Variants in CREBBP observed in about 807,000 individuals in gnomAD.
CREBBP encodes the protein CREB-binding protein.
Under a neutral mutation model 265.0 loss-of-function variants are expected in CREBBP, and 19 were observed. The ratio of observed to expected loss-of-function variants is 0.07; its 90% CI spans 0.05 to 0.11. The LOEUF (loss-of-function observed/expected upper bound fraction) is 0.11. CREBBP is among the 10% of genes least tolerant of loss of function. The probability of loss-of-function intolerance (pLI) is 1.00; values close to 1 mark genes in which losing one functional copy is unlikely to be tolerated. For synonymous variants in CREBBP, 1,457 were observed against 1,223.7 expected (o/e 1.19, Z -3.98); for missense variants, 2,525 against 3,219.0 (o/e 0.78, Z 5.22).
At chr16:3,763,529 C>T (rs992887162) in intron 16 of CREBBP, among the ~76,000 whole-genome samples, 17 of 152,110 alleles carry the variant, frequency 1.1e-4, no homozygotes, top group African/African-American at 3.9e-4. Context: ...GGCACGATCT[C>T]AGCTCACTGC....
At chr16:3,783,957 T>C (rs938881181) in intron 5 of CREBBP, among the ~76,000 whole-genome samples, 1 of 152,202 alleles carries the variant, frequency 6.6e-6, no homozygotes, top group Non-Finnish European at 1.5e-5. Context: ...TGCCCCCTCA[T>C]CTGTCGCAAC....
chr16:3,839,244 A>G (rs2054516782), intron 2 of CREBBP, among the ~76,000 whole-genome samples: 1 of 152,240 alleles, frequency 6.6e-6, no homozygotes, highest in African/African-American at 2.4e-5. Flanking sequence ...CCAGGCTTGA[A>G]AGCAATTAGC....
intron 28 of CREBBP, among the ~76,000 whole-genome samples, chr16:3,733,491 G>A (rs2051972354): frequency 6.6e-6 from 1 of 152,090 alleles, no homozygotes; most frequent in Non-Finnish European, 1.5e-5. Flanking sequence ...TTGGAACGAA[G>A]TGTAGACTTA....
chr16:3,871,465 C>T (rs1264559387), intron 1 of CREBBP, among the ~76,000 whole-genome samples: 1 of 152,222 alleles, frequency 6.6e-6, no homozygotes, highest in African/African-American at 2.4e-5. Flanking sequence ...TCCAAAGCAA[C>T]TGGGTCAAAC....
chr16:3,855,852 A>T (rs1027367050), intron 1 of CREBBP, among the ~76,000 whole-genome samples: 1 of 152,252 alleles, frequency 6.6e-6, no homozygotes, highest in Non-Finnish European at 1.5e-5. Flanking sequence ...AATATGTATT[A>T]AAAAGTCCTC....
intron 1 of CREBBP, among the ~76,000 whole-genome samples, chr16:3,872,560 T>A (rs2055322340): frequency 6.6e-6 from 1 of 152,132 alleles, no homozygotes; most frequent in South Asian, 2.1e-4. Context: ...AAGAGCAGCA[T>A]CCTTTTCCAG....
rs771699450 is a variant in CREBBP, at chr16:3,778,835, C to G, written c.1824-18G>C. 6.2e-7 allele frequency: 1 copy of G among 1,603,714 alleles called. No homozygotes were observed. Among genetic ancestry groups the G allele is most frequent in the African/African-American group, 1.3e-5 (1 of 74,806 alleles). On this transcript the variant is annotated intron_variant, in intron 8 of 30. Coordinates refer to ENST00000262367, the MANE Select transcript of CREBBP (RefSeq NM_004380.3). ...CTTGGACGCTGAAAGGATAACACAT[C>G]TATCAAACTACTTTTTTTTTTCTTC... is the stretch of plus-strand genomic sequence containing the variant.
chr16:3,773,854 G>A lies in CREBBP; in HGVS notation c.2360C>T (p.Ala787Val), dbSNP rs117910358. 6 of 1,612,358 alleles carry A rather than the reference G, an allele frequency of 3.7e-6. No homozygotes were observed. The highest frequency in any genetic ancestry group is 4.5e-5 in the East Asian group (2 of 44,890). ...TGGCAGAAACTGGCTCTGAGCGGGC[G>A]CCTGGGCCATCATGTTGTTGGTGTG... ...GAHTNNMMAQ[A>V]PAQSQFLPQN... is the part of the protein sequence containing the mutation. Residue 787 changes from alanine (A) to valine (V), a missense_variant, in exon 13 of 31, where the codon GCG becomes GTG. Around this residue, in one of 19 missense-constraint regions of CREBBP, gnomAD observed 548 missense variants for 533.0 expected, o/e 1.03. Transcript: ENST00000262367.
rs1313507213 is a variant in CREBBP, at chr16:3,778,725, T to A, written c.1916A>T (p.Asp639Val). 1 of 1,613,854 alleles carries A rather than the reference T, an allele frequency of 6.2e-7. No homozygotes were observed. The highest frequency in any genetic ancestry group is 1.3e-5 in the African/African-American group (1 of 74,906). ...CCTGCTGTTGGCAGACTCGTACATG[T>A]CCCCTTCCACTTTCTTAGCATAGGC... is the stretch of plus-strand genomic sequence containing the variant. ...LVAYAKKVEG[D>V]MYESANSRDE... Residue 639 changes from aspartate (D) to valine (V), a missense_variant, in exon 9 of 31, where the codon GAC becomes GTC. Physicochemically the swap from Asp to Val is radical, Grantham distance 152. Transcript: ENST00000262367.
At chr16:3,770,005 G>A (rs1206986945) in intron 14 of CREBBP, among the ~76,000 whole-genome samples, 1 of 152,036 alleles carries the variant, frequency 6.6e-6, no homozygotes, top group Non-Finnish European at 1.5e-5. Context: ...CGAGTAGCTG[G>A]GAATACAGGC....
rs1259670948 is a variant in CREBBP, at chr16:3,760,398, T to TG, written c.3251-1427_3251-1426insC. ...CTAAGCTATCATGCCCAGGTTTTTT[T>TG]TTTTTTTTTTTTTTTTTTTTTTGAG... On this transcript the variant is annotated intron_variant, in intron 16 of 30. Transcript: ENST00000262367. 6.3e-5 allele frequency among the ~76,000 whole-genome samples: 7 copies of TG among 110,596 alleles called. No homozygotes were observed. In the East Asian group the frequency reaches 1.8e-3, roughly 28 times the overall value. 72.6% of individuals were successfully genotyped at this position (110,596 alleles called of 152,430 possible). A position where few individuals can be genotyped will look rare whatever the true frequency, so the allele number is the denominator to read the frequency against.
rs2151330200 is a variant in CREBBP, at chr16:3,736,814, A to G, written c.4396T>C (p.Tyr1466His). Residue 1466 changes from tyrosine (Y) to histidine (H), a missense_variant and splice_region_variant, in exon 27 of 31, where the codon TAT becomes CAT. Physicochemically the swap from Tyr to His is moderately conservative, Grantham distance 83 (BLOSUM62 2). Transcript: ENST00000262367. The stretch of plus-strand genomic sequence containing the variant: ...CAGGCCCAGATGTGCCCTGTCACAT[A>G]CCTGCAGGACCCACGCACACACGTC... ...GYLEYVKKLGYVTGHIWACPP... is the reference protein window; with the variant it reads ...GYLEYVKKLGHVTGHIWACPP... 6.2e-7 allele frequency: 1 copy of G among 1,614,154 alleles called. No individual in the cohort carries two copies. The highest frequency in any genetic ancestry group is 1.1e-5 in the South Asian group (1 of 91,082).
intron 2 of CREBBP, among the ~76,000 whole-genome samples, chr16:3,829,085 C>G (rs1430275215): frequency 2.0e-5 from 3 of 151,472 alleles, no homozygotes; most frequent in African/African-American, 7.3e-5. Flanking sequence ...TGGTAATCAA[C>G]ATAAAAACCC....
In CREBBP at chr16:3,850,815, G is replaced by A; in HGVS notation, c.280C>T (p.Pro94Ser). ...TGGCCACCCAGGCCCTGCTGCACGGGGCTGCTGGCGCTCACATTTCCTATT... is the reference window on the plus strand; with the variant it reads ...TGGCCACCCAGGCCCTGCTGCACGGAGCTGCTGGCGCTCACATTTCCTATT... ...PGIGNVSASS[P>S]VQQGLGGQAQ... Residue 94 changes from proline (P) to serine (S), a missense_variant, in exon 2 of 31, where the codon CCC (proline) becomes TCC (serine). Physicochemically the swap from Pro to Ser is moderately conservative, Grantham distance 74. Around this residue, in one of 19 missense-constraint regions of CREBBP, gnomAD observed 356 missense variants for 340.4 expected, o/e 1.05. Coordinates refer to ENST00000262367, the MANE Select transcript of CREBBP (RefSeq NM_004380.3). The A allele has an allele frequency of 6.2e-7, 1 of 1,614,130 alleles. No individual in the cohort carries two copies. Among genetic ancestry groups the A allele is most frequent in the Non-Finnish European group, 8.5e-7 (1 of 1,180,044 alleles).
intron 1 of CREBBP, among the ~76,000 whole-genome samples, chr16:3,851,565 GTA>G (rs547027669): frequency 1.9e-3 from 294 of 152,218 alleles, no homozygotes; most frequent in African/African-American, 6.8e-3. Flanking sequence ...TTTTAAGAAT[GTA>G]TGTGTGGCCG....
At position 3,727,618 on chromosome 16, in the gene CREBBP, A is replaced by G; in HGVS notation, c.*100T>C. ...TCAATCCACCCTTCCATGGCTCGGA[A>G]GTCGCAGTTCCATCTAGGAATAAAA... On this transcript the variant is annotated 3_prime_UTR_variant, in exon 31 of 31. Transcript: ENST00000262367. 6.2e-7 allele frequency: 1 copy of G among 1,601,372 alleles called. No homozygotes were observed. Among genetic ancestry groups the G allele is most frequent in the Non-Finnish European group, 8.5e-7 (1 of 1,172,654 alleles).
intron 26 of CREBBP, among the ~76,000 whole-genome samples, chr16:3,738,232 T>C (rs1374509463): frequency 6.6e-6 from 1 of 150,652 alleles, no homozygotes; most frequent in Non-Finnish European, 1.5e-5. Flanking sequence ...GTTGCACTAA[T>C]GGGTAAAGTT....
At chr16:3,811,417 T>A (rs1436909370) in intron 2 of CREBBP, among the ~76,000 whole-genome samples, 1 of 152,184 alleles carries the variant, frequency 6.6e-6, no homozygotes, top group East Asian at 1.9e-4. Context: ...GTGAAGACAA[T>A]GAGGATGAAG....
chr16:3,731,639 C>T lies in CREBBP; in HGVS notation c.4890+137G>A. On this transcript the variant is annotated intron_variant, in intron 29 of 30. Transcript: ENST00000262367. This position sits in a 1 kb window ranked among gnomAD's most constrained non-coding sequence, Gnocchi z 7.7. ...ATTGGTGACACGTTGCATGATGTCA[C>T]CCAACTGGTCCACTTGGTTTCCTGG... 4 of 1,415,544 alleles carry T rather than the reference C, an allele frequency of 2.8e-6. No individual in the cohort carries two copies. In the South Asian group the frequency reaches 4.6e-5, roughly 16 times the overall value. 87.7% of individuals were successfully genotyped at this position (1,415,544 alleles called of 1,614,324 possible). A position where few individuals can be genotyped will look rare whatever the true frequency, so the allele number is the denominator to read the frequency against.
Sources: gnomAD v4.1 joint callset for allele counts (sites outside exome capture counted in the v4.1 genomes callset) on GRCh38, gnomAD v4.1.1 for gene constraint, gnomAD v4.1.1 regional missense constraint, Gnocchi (gnomAD v3.1) non-coding constraint, MANE v1.5 for transcripts, NCBI Gene and HGNC (gene_info 2026-07-23, HGNC 2026-07-21) for gene names.